CPB2: variants seen among roughly 807,000 people sequenced by gnomAD.
The protein encoded by CPB2 is carboxypeptidase B2.
CPB2 carries 54 observed loss-of-function variants against 57.0 expected under a neutral mutation model. That is an observed-to-expected ratio of 0.95 (90% CI 0.76 to 1.19). The LOEUF (loss-of-function observed/expected upper bound fraction) is 1.19. Among genes scored for constraint, CPB2 ranks in the 50% most tolerant of loss-of-function variants. CPB2 has a pLI of 0.00. For synonymous variants in CPB2, 189 were observed against 178.1 expected, an observed-to-expected ratio of 1.06 and a Z score of -0.49; for missense variants, 426 against 512.0, an observed-to-expected ratio of 0.83 and a Z score of 1.62.
At chr13:46,104,326 A>G (rs2045468998) in intron 1 of CPB2, among the ~76,000 whole-genome samples, 1 of 152,246 alleles carries the variant, frequency 6.6e-6, no homozygotes. Flanking sequence ...ATTACATTAC[A>G]TATACCCTGG....
At position 46,063,782 on chromosome 13, in the gene CPB2, A is replaced by C. The variant is rs1051741390; in HGVS notation, c.796+866T>G. Among the ~76,000 whole-genome samples, 8 of 152,278 alleles carry C rather than the reference A, an allele frequency of 5.3e-5. 1 individual carries two copies. In the Middle Eastern group the frequency reaches 0.017, roughly 324 times the overall value. ...CAGACTGTTCTTGAATGCATAACTCAACATCATCGAATGCCTTAACTCATT... is the reference window on the plus strand; with the variant it reads ...CAGACTGTTCTTGAATGCATAACTCCACATCATCGAATGCCTTAACTCATT... On this transcript the variant is annotated intron_variant, in intron 8 of 10. Coordinates refer to ENST00000181383, the MANE Select transcript of CPB2 (RefSeq NM_001872.5).
At chr13:46,070,737 T>C (rs1284495049) in intron 6 of CPB2, among the ~76,000 whole-genome samples, 4 of 152,204 alleles carry the variant, frequency 2.6e-5, no homozygotes, top group African/African-American at 9.6e-5. Context: ...CAGAGAGCTA[T>C]CCGTCTCAGT....
intron 2 of CPB2, among the ~76,000 whole-genome samples, chr13:46,086,242 G>A (rs1231169211): frequency 6.6e-6 from 1 of 152,156 alleles, no homozygotes; most frequent in Non-Finnish European, 1.5e-5. Flanking sequence ...TGGCAAGCAA[G>A]GGGCGTGTTT....
rs777028100 is a variant in CPB2 at position 46,064,730 on chromosome 13, C to T, written c.714G>A (p.Trp238Ter). The T allele has an allele frequency of 3.1e-6, 5 of 1,613,602 alleles. No homozygotes were observed. The highest frequency in any genetic ancestry group is 4.2e-6 in the Non-Finnish European group (5 of 1,179,644). Residue 238 changes from tryptophan (W) to a stop codon, truncating the protein, a stop_gained, in exon 8 of 11, where the codon TGG becomes TGA. Coordinates refer to ENST00000181383, the MANE Select transcript of CPB2 (RefSeq NM_001872.5). LOFTEE classifies it high-confidence loss of function. ...TCGCATAGAAAGAACGGTTCTTTCT[C>T]CACATTCGATTCTACATAAACAAAA... ...YDYSWKKNRM[W>*]RKNRSFYANN...
intron 4 of CPB2, among the ~76,000 whole-genome samples, chr13:46,079,647 A>G (rs926229756): frequency 2.6e-5 from 4 of 151,878 alleles, no homozygotes; most frequent in African/African-American, 9.7e-5. Context: ...GATTGCTGGG[A>G]TTGAACTGGG....
intron 1 of CPB2, among the ~76,000 whole-genome samples, chr13:46,098,009 G>C (rs948200293): frequency 6.6e-6 from 1 of 152,198 alleles, no homozygotes; most frequent in Non-Finnish European, 1.5e-5. Flanking sequence ...TAGCCATGCA[G>C]GAAGGGTAAT....
chr13:46,090,784 C>T (rs995784325), intron 1 of CPB2, among the ~76,000 whole-genome samples: 2 of 150,436 alleles, frequency 1.3e-5, no homozygotes, highest in African/African-American at 2.5e-5. Flanking sequence ...AGTGCAGTGG[C>T]GCCATCTCGG....
At position 46,067,337 on chromosome 13, in the gene CPB2, A is replaced by T; in HGVS notation, c.672T>A (p.Asn224Lys). 6.3e-7 allele frequency: 1 copy of T among 1,581,982 alleles called. No homozygotes were observed. Among genetic ancestry groups the T allele is most frequent in the Non-Finnish European group, 8.7e-7 (1 of 1,151,006 alleles). Residue 224 changes from asparagine to lysine, a missense_variant, in exon 7 of 11, where the codon AAT becomes AAA. Physicochemically the swap from Asn to Lys is moderately conservative, Grantham distance 94. Transcript: ENST00000181383. ...TCCATGAGTAGTCATAACCATCCAC[A>T]TTAACCACTGGCATAACATAGAAAT... ...LVDFYVMPVVNVDGYDYSWKK... is the reference protein window; with the variant it reads ...LVDFYVMPVVKVDGYDYSWKK...
At chr13:46,058,762 A>G (rs774241144) in intron 8 of CPB2, among the ~76,000 whole-genome samples, 1 of 152,218 alleles carries the variant, frequency 6.6e-6, no homozygotes, top group Non-Finnish European at 1.5e-5. Flanking sequence ...GCTACCATCA[A>G]TATAGCCCAT....
Position 46,087,824 on chromosome 13 carries a change from G to C in CPB2, c.75-4C>G, listed in dbSNP as rs754560558. On this transcript the variant is annotated splice_polypyrimidine_tract_variant and splice_region_variant and intron_variant, in intron 1 of 10. Coordinates refer to ENST00000181383, the MANE Select transcript of CPB2 (RefSeq NM_001872.5). ...AAGAGCAGCTAGAACTTGGCCACTG[G>C]GGAAAAAAATAAAAGAGGATTTTGA... 86 of 1,593,496 alleles carry C rather than the reference G, an allele frequency of 5.4e-5. No homozygotes were observed. Among genetic ancestry groups the C allele is most frequent in the Middle Eastern group, 1.7e-4 (1 of 6,032 alleles).
chr13:46,074,912 C>T (rs753904560), intron 5 of CPB2, among the ~76,000 whole-genome samples: 240 of 152,266 alleles, frequency 1.6e-3, no homozygotes, highest in Non-Finnish European at 1.9e-3. Flanking sequence ...GAGAATCTAA[C>T]GCTGCCACTG....
intron 2 of CPB2, among the ~76,000 whole-genome samples, chr13:46,086,999 C>A (rs1230121645): frequency 2.0e-5 from 3 of 152,234 alleles, no homozygotes; most frequent in African/African-American, 7.2e-5. Flanking sequence ...CACTTGCGAG[C>A]CTGTAGGGGA....
intron 4 of CPB2, 66 bp downstream of exon 4, chr13:46,082,375 C>A: frequency 1.1e-6 from 1 of 873,936 alleles, no homozygotes; most frequent in South Asian, 1.9e-5. Context: ...TGAATATTCC[C>A]CTGATTGAAA....
At chr13:46,097,152 A>G (rs1244510648) in intron 1 of CPB2, 1 of 152,226 alleles carries the variant, frequency 6.6e-6, no homozygotes, top group Non-Finnish European at 1.5e-5. Context: ...TGCATAAACA[A>G]ATGACTCAGC....
chr13:46,083,104 A>G (rs1201074806), intron 3 of CPB2, among the ~76,000 whole-genome samples: 1 of 152,208 alleles, frequency 6.6e-6, no homozygotes, highest in African/African-American at 2.4e-5. Context: ...CCAGGCAAAT[A>G]TTTTAGCTGA....
intron 8 of CPB2, among the ~76,000 whole-genome samples, chr13:46,059,552 T>C (rs2044742228): frequency 6.6e-6 from 1 of 151,474 alleles, no homozygotes; most frequent in Non-Finnish European, 1.5e-5. Context: ...TGGCATGTAG[T>C]ATGCATTTCA....
At chr13:46,102,594 T>G (rs201196144) in intron 1 of CPB2, among the ~76,000 whole-genome samples, 2 of 122,998 alleles carry the variant, frequency 1.6e-5, no homozygotes, top group South Asian at 4.8e-4. Flanking sequence ...GACTGTTAGT[T>G]TTTTTTTTTT....
In CPB2 at chr13:46,078,808, C is replaced by T. The variant is rs138361180; in HGVS notation, c.478G>A (p.Val160Ile). The T allele has an allele frequency of 5.6e-6, 9 of 1,598,198 alleles. No individual in the cohort carries two copies. The African/African-American group carries it at 1.1e-4, about 19-fold the overall frequency. The change falls in exon 5 of 11, where the codon GTT (valine) becomes ATT (isoleucine). Residue 160 changes from valine (V) to isoleucine (I), a missense_variant. By Grantham distance (29) the Val-to-Ile change is conservative (BLOSUM62 3). Transcript: ENST00000181383. ...GSSFEKYPLY[V>I]LKVSGKEQAA... The stretch of plus-strand genomic sequence containing the variant: ...CTTTCCCCACAACATACCTTTAAAA[C>T]ATAGAGTGGGTACTTCTCAAATGAG...
intron 6 of CPB2, among the ~76,000 whole-genome samples, chr13:46,068,323 TAC>T (rs1248410525): frequency 6.6e-6 from 1 of 152,244 alleles, no homozygotes; most frequent in East Asian, 1.9e-4. Flanking sequence ...TTATAAACTT[TAC>T]TATTTTCCCT....
Sources: allele counts gnomAD v4.1 joint callset (sites outside exome capture counted in the v4.1 genomes callset), GRCh38; gene constraint gnomAD v4.1.1; transcripts MANE v1.5; gene names NCBI Gene and HGNC (gene_info 2026-07-23, HGNC 2026-07-21).